The following PRKCH variants were observed in gnomAD, a reference collection of about 807,000 sequenced individuals.
PRKCH encodes protein kinase C eta type.
A neutral mutation model predicts 82.5 loss-of-function variants in PRKCH; 28 were observed. The observed-to-expected ratio is 0.34, with a 90% CI of 0.25 to 0.47. The LOEUF (loss-of-function observed/expected upper bound fraction) is 0.47, where lower values mean the gene tolerates loss of function less well. Among genes scored for constraint, PRKCH ranks in the 20% least tolerant of loss-of-function variants. The probability of loss-of-function intolerance (pLI) is 1.00; values close to 1 mark genes in which losing one functional copy is unlikely to be tolerated. For missense variants in PRKCH, 705 were observed against 881.8 expected (o/e 0.80, Z 2.54); for synonymous variants, 322 against 327.4 (o/e 0.98, Z 0.18).
chr14:61,384,832 C>T (rs2046563266), intron 1 of PRKCH, among the ~76,000 whole-genome samples: 1 of 152,012 alleles, frequency 6.6e-6, no homozygotes, highest in Admixed American at 6.5e-5. Flanking sequence ...GTAGAAACAA[C>T]ATAGAGAACC....
intron 9 of PRKCH, among the ~76,000 whole-genome samples, chr14:61,485,019 C>T (rs908549411): frequency 2.3e-4 from 35 of 152,090 alleles, no homozygotes; most frequent in African/African-American, 8.0e-4. Flanking sequence ...CCACTGCACC[C>T]GGCCTCCACT....
intron 1 of PRKCH, among the ~76,000 whole-genome samples, chr14:61,253,765 C>G (rs767034235): frequency 6.6e-6 from 1 of 152,140 alleles, no homozygotes; most frequent in Non-Finnish European, 1.5e-5. Context: ...TCCTAAGCCT[C>G]GGTTTCCTCC....
chr14:61,419,779 A>G (rs892789993), intron 2 of PRKCH, among the ~76,000 whole-genome samples: 5 of 152,180 alleles, frequency 3.3e-5, no homozygotes, highest in African/African-American at 1.2e-4. Context: ...ACAAATCCAC[A>G]AGTACTTTGA....
intron 1 of PRKCH, among the ~76,000 whole-genome samples, chr14:61,326,303 T>G (rs2045695823): frequency 6.6e-6 from 1 of 152,214 alleles, no homozygotes; most frequent in Admixed American, 6.5e-5. Flanking sequence ...GGAATGAATC[T>G]CAGAATAATT....
chr14:61,224,496 G>A (rs11851430), intron 1 of PRKCH, among the ~76,000 whole-genome samples: 4,008 of 152,264 alleles, frequency 0.026, 178 homozygotes, highest in African/African-American at 0.092. Context: ...TGCTGTGACA[G>A]TTGCTCACAT....
intron 2 of PRKCH, among the ~76,000 whole-genome samples, chr14:61,415,994 G>A (rs537390486): frequency 1.3e-5 from 2 of 150,550 alleles, no homozygotes; most frequent in South Asian, 2.1e-4. Flanking sequence ...GGGTTCACCC[G>A]TGTGGTAGCA....
intron 1 of PRKCH, among the ~76,000 whole-genome samples, chr14:61,200,589 A>G (rs1400015724): frequency 6.6e-6 from 1 of 152,200 alleles, no homozygotes; most frequent in Non-Finnish European, 1.5e-5. Flanking sequence ...TTGACCATTC[A>G]GCTCACAGTG....
chr14:61,338,210 C>T (rs1449065141), intron 1 of PRKCH, among the ~76,000 whole-genome samples: 1 of 152,122 alleles, frequency 6.6e-6, no homozygotes, highest in African/African-American at 2.4e-5. Context: ...AGTAAAGTAC[C>T]CTGCACATGT....
chr14:61,193,788 C>G (rs955929151), intron 1 of PRKCH, among the ~76,000 whole-genome samples: 1 of 152,168 alleles, frequency 6.6e-6, no homozygotes, highest in Non-Finnish European at 1.5e-5. Context: ...TCAGAGAATC[C>G]ATATTCAGGG....
At chr14:61,460,277 T>A (rs1469320043) in intron 9 of PRKCH, among the ~76,000 whole-genome samples, 1 of 152,230 alleles carries the variant, frequency 6.6e-6, no homozygotes, top group Admixed American at 6.5e-5. Flanking sequence ...TTAATTTAAC[T>A]TTTCCTCCTC....
intron 6 of PRKCH, among the ~76,000 whole-genome samples, chr14:61,451,635 T>C (rs888830726): frequency 6.6e-6 from 1 of 152,218 alleles, no homozygotes; most frequent in Non-Finnish European, 1.5e-5. Flanking sequence ...GGGTGAGAGC[T>C]GATCCCTGTC....
intron 2 of PRKCH, among the ~76,000 whole-genome samples, chr14:61,433,043 CAAA>C (rs34477992): frequency 0.01 from 1,165 of 110,964 alleles, 41 homozygotes; most frequent in African/African-American, 0.041. Flanking sequence ...CCAACCTCTT[CAAA>C]AAAAAAAAAA....
chr14:61,280,014 G>T lies in PRKCH; in HGVS notation c.-19+92346G>T. 7.8e-7 allele frequency: 1 copy of T among 1,277,700 alleles called. No individual in the cohort carries two copies. Among genetic ancestry groups the T allele is most frequent in the South Asian group, 1.5e-5 (1 of 65,148 alleles). The allele number at this position is 1,277,700 out of a possible 1,614,324, so 79.1% of individuals were successfully genotyped here. ...AAGCTAGGCGAGGTTGGAATTGGGT[G>T]ACGGGCGAGGAGGAGATGCCAAAAG... is the stretch of plus-strand genomic sequence containing the variant. On this transcript the variant is annotated intron_variant, in intron 1 of 3. Transcript: ENST00000555185. The surrounding 1 kb of genome is among the most constrained non-coding windows in gnomAD (Gnocchi z 5.0).
Position 61,438,764 on chromosome 14 carries a change from A to G in PRKCH, c.428-4347A>G, listed in dbSNP as rs1449696983. Among the ~76,000 whole-genome samples, 3 of 152,362 alleles carry G rather than the reference A, an allele frequency of 2.0e-5. No homozygotes were observed. In the East Asian group the frequency reaches 5.8e-4, roughly 29 times the overall value. On this transcript the variant is annotated intron_variant, in intron 2 of 13. Coordinates refer to ENST00000332981, the MANE Select transcript of PRKCH (RefSeq NM_006255.5). ...ACCCTGGGGTTGTTTGGTGACTCCT[A>G]GTCACATGTGCTTTCTAAAGTTCTC...
chr14:61,504,110 A>G (rs1482062448), intron 10 of PRKCH, among the ~76,000 whole-genome samples: 2 of 152,194 alleles, frequency 1.3e-5, no homozygotes, highest in Non-Finnish European at 2.9e-5. Flanking sequence ...ACCCCATGTC[A>G]TCATTTGCCC....
chr14:61,518,247 G>A (rs1360671813), intron 10 of PRKCH, among the ~76,000 whole-genome samples: 1 of 152,148 alleles, frequency 6.6e-6, no homozygotes, highest in Non-Finnish European at 1.5e-5. Flanking sequence ...TCATCACTAA[G>A]TGCATCTATA....
intron 2 of PRKCH, among the ~76,000 whole-genome samples, chr14:61,407,488 C>T (rs1266266703): frequency 6.6e-6 from 1 of 152,138 alleles, no homozygotes; most frequent in African/African-American, 2.4e-5. Context: ...TTTCCTTAAA[C>T]ATACTAAGGA....
intron 1 of PRKCH, chr14:61,298,709 G>GT (rs1170563222): frequency 6.6e-6 from 1 of 150,876 alleles, no homozygotes; most frequent in African/African-American, 2.5e-5. Flanking sequence ...TAAGAGGGTA[G>GT]TTTTTTTGTT....
chr14:61,243,340 A>G (rs2044855911), intron 1 of PRKCH, among the ~76,000 whole-genome samples: 1 of 149,794 alleles, frequency 6.7e-6, no homozygotes, highest in African/African-American at 2.5e-5. Context: ...GGAGATTGCA[A>G]TGAATGGAGA....
Sources: gnomAD v4.1 joint callset for allele counts (sites outside exome capture counted in the v4.1 genomes callset) on GRCh38, gnomAD v4.1.1 for gene constraint, Gnocchi (gnomAD v3.1) non-coding constraint, MANE v1.5 for transcripts, NCBI Gene and HGNC (gene_info 2026-07-23, HGNC 2026-07-21) for gene names.